Variants in SCAPER observed in about 807,000 individuals in gnomAD.
The protein encoded by SCAPER is S-phase cyclin A associated protein in the ER, also known as S phase cyclin A-associated protein in the endoplasmic reticulum.
Under a neutral mutation model 182.2 loss-of-function variants are expected in SCAPER, and 98 were observed. The ratio of observed to expected loss-of-function variants is 0.54; its 90% CI spans 0.46 to 0.64. The LOEUF (loss-of-function observed/expected upper bound fraction) is 0.64. Among genes scored for constraint, SCAPER ranks in the 30% least tolerant of loss-of-function variants. SCAPER has a pLI of 0.00. For synonymous variants in SCAPER, 605 were observed against 564.6 expected (o/e 1.07, Z -1.01); for missense variants, 1,432 against 1,690.0 (o/e 0.85, Z 2.68).
At chr15:76,431,159 T>TAAAACCCAAGTATAA (rs760414766) in intron 26 of SCAPER, among the ~76,000 whole-genome samples, 3 of 151,818 alleles carry the variant, frequency 2.0e-5, no homozygotes, top group Non-Finnish European at 4.4e-5. Context: ...GGTATGTCTT[T>TAAAACCCAAGTATAA]AACAGTAGTG....
rs1203724577 is a variant in SCAPER at position 76,604,206 on chromosome 15, G to T, written c.2711+17558C>A. Among the ~76,000 whole-genome samples the T allele has an allele frequency of 1.1e-4, 13 of 120,728 alleles. 2 individuals are homozygous for T. The highest frequency in any genetic ancestry group is 3.3e-4 in the African/African-American group (13 of 39,546). 79.2% of individuals were successfully genotyped at this position (120,728 alleles called of 152,430 possible). A position where few individuals can be genotyped will look rare whatever the true frequency, so the allele number is the denominator to read the frequency against. ...CATCTTGAATTAATTTTTGTATAAG[G>T]TGTAAGGAAGGGATCCAGTTTCAGC... On this transcript the variant is annotated intron_variant, in intron 22 of 31. Coordinates refer to ENST00000563290, the MANE Select transcript of SCAPER (RefSeq NM_020843.4).
intron 4 of SCAPER, among the ~76,000 whole-genome samples, chr15:76,847,886 A>C (rs1599071739): frequency 6.6e-6 from 1 of 152,182 alleles, no homozygotes; most frequent in Non-Finnish European, 1.5e-5. Flanking sequence ...ATGCCACTGC[A>C]CTCCAGCCTG....
intron 17 of SCAPER, among the ~76,000 whole-genome samples, chr15:76,711,121 T>C (rs542221023): frequency 1.3e-5 from 2 of 152,194 alleles, no homozygotes; most frequent in South Asian, 2.1e-4. Context: ...GAAGAAACTT[T>C]TTGTGGTTTC....
intron 24 of SCAPER, among the ~76,000 whole-genome samples, chr15:76,486,839 G>C (rs530850546): frequency 1.3e-5 from 2 of 152,248 alleles, no homozygotes; most frequent in African/African-American, 4.8e-5. Context: ...TCCCACTATT[G>C]GATATACACT....
At chr15:76,678,187 A>G (rs1335219765) in intron 20 of SCAPER, among the ~76,000 whole-genome samples, 1 of 152,104 alleles carries the variant, frequency 6.6e-6, no homozygotes, top group Non-Finnish European at 1.5e-5. Context: ...TTTTTATTAG[A>G]AAATCAGAGT....
Position 76,702,943 on chromosome 15 carries a change from A to G in SCAPER, c.2307T>C (p.Ala769=). The part of the protein sequence containing the change: ...EQIEQRKEKA[A]ELSSGRHANT... ...TTGCATGTCGCCCACTGCTTAGCTC[A>G]GCAGCTTTTTCTTTTCTTTGTTCAA... The change falls in exon 19 of 32, where the codon GCT becomes GCC. Residue 769 remains alanine (A), a synonymous_variant. Coordinates refer to ENST00000563290, the MANE Select transcript of SCAPER (RefSeq NM_020843.4). 6.2e-7 allele frequency: 1 copy of G among 1,610,510 alleles called. No individual in the cohort carries two copies.
chr15:76,461,965 G>A (rs536908956), intron 25 of SCAPER, among the ~76,000 whole-genome samples: 37 of 152,264 alleles, frequency 2.4e-4, no homozygotes, highest in Non-Finnish European at 4.7e-4. Flanking sequence ...TGAGTTATAC[G>A]GAGTTGTCTC....
chr15:76,477,159 T>C (rs1484996152), intron 24 of SCAPER, among the ~76,000 whole-genome samples: 4 of 152,090 alleles, frequency 2.6e-5, no homozygotes, highest in Admixed American at 6.5e-5. Context: ...TGAACTAACA[T>C]TGTGACTTTG....
chr15:76,579,580 G>GA (rs2048120489), intron 22 of SCAPER, among the ~76,000 whole-genome samples: 1 of 150,276 alleles, frequency 6.7e-6, no homozygotes, highest in Non-Finnish European at 1.5e-5. Context: ...CATTGCTAAA[G>GA]AAAAATCACC....
Position 76,691,737 on chromosome 15 carries a change from A to G in SCAPER, c.2508+10021T>C, listed in dbSNP as rs114180178. 2.2e-3 allele frequency among the ~76,000 whole-genome samples: 338 copies of G among 152,274 alleles called. 1 individual carries two copies. The highest frequency in any genetic ancestry group is 7.8e-3 in the African/African-American group (324 of 41,572). On this transcript the variant is annotated intron_variant, in intron 20 of 31. Transcript: ENST00000563290. ...ACTAACCCAAATGATGGGTACAAAG[A>G]AATTTGTTCTATTGTTATTCTATGA...
At chr15:76,798,375 G>GA (rs1568170908) in intron 7 of SCAPER, among the ~76,000 whole-genome samples, 1 of 137,946 alleles carries the variant, frequency 7.2e-6, no homozygotes, top group Non-Finnish European at 1.6e-5. Flanking sequence ...AAAAAAAAAA[G>GA]AAAAGAAAAA....
chr15:76,562,067 G>C (rs1034361386), intron 23 of SCAPER, among the ~76,000 whole-genome samples: 1 of 138,626 alleles, frequency 7.2e-6, no homozygotes, highest in Non-Finnish European at 1.5e-5. Flanking sequence ...AGAATCGCTT[G>C]AACCTAGGAG....
At chr15:76,666,807 C>G (rs2056605964) in intron 20 of SCAPER, among the ~76,000 whole-genome samples, 1 of 152,170 alleles carries the variant, frequency 6.6e-6, no homozygotes, top group Non-Finnish European at 1.5e-5. Context: ...CTTCCACACA[C>G]TCCCACAGCT....
At chr15:76,592,847 G>A (rs1040004579) in intron 22 of SCAPER, among the ~76,000 whole-genome samples, 2 of 121,186 alleles carry the variant, frequency 1.7e-5, no homozygotes, top group African/African-American at 5.0e-5. Flanking sequence ...ATTCCCTTGG[G>A]TGCCTATGCC....
intron 5 of SCAPER, among the ~76,000 whole-genome samples, chr15:76,807,944 C>T (rs1248816824): frequency 6.6e-6 from 1 of 152,138 alleles, no homozygotes; most frequent in Non-Finnish European, 1.5e-5. Context: ...TCTCCCACTA[C>T]ATGTGGTCCA....
At chr15:76,597,446 A>G (rs1305103115) in intron 22 of SCAPER, among the ~76,000 whole-genome samples, 3 of 121,932 alleles carry the variant, frequency 2.5e-5, no homozygotes, top group African/African-American at 7.5e-5. Context: ...AGAATTAGAA[A>G]AAACTACTTT....
chr15:76,496,282 G>C (rs971280136), intron 24 of SCAPER, among the ~76,000 whole-genome samples: 7 of 151,796 alleles, frequency 4.6e-5, no homozygotes, highest in Admixed American at 3.3e-4. Context: ...AAGTCTGAGA[G>C]AGTAGGGTCT....
intron 23 of SCAPER, among the ~76,000 whole-genome samples, chr15:76,568,190 C>CATATATATATATATATATATATAT (rs60959582): frequency 2.2e-5 from 3 of 138,726 alleles, no homozygotes; most frequent in African/African-American, 9.0e-5. Context: ...ATGGATCAAG[C>CATATATATATATATATATATATAT]ATATATATAT....
intron 1 of SCAPER, among the ~76,000 whole-genome samples, chr15:76,896,951 A>G (rs550073687): frequency 1.3e-5 from 2 of 152,110 alleles, no homozygotes; most frequent in African/African-American, 4.8e-5. Context: ...ATCTCTAAAA[A>G]TATTAATTTT....
Sources: gnomAD v4.1 joint callset for allele counts (sites outside exome capture counted in the v4.1 genomes callset) on GRCh38, gnomAD v4.1.1 for gene constraint, MANE v1.5 for transcripts, NCBI Gene and HGNC (gene_info 2026-07-23, HGNC 2026-07-21) for gene names.